Variants in PCDHA11 observed in about 807,000 individuals in gnomAD.
PCDHA11 encodes the protein protocadherin alpha 11.
Under a neutral mutation model 70.3 loss-of-function variants are expected in PCDHA11, and 61 were observed. The ratio of observed to expected loss-of-function variants is 0.87; its 90% CI spans 0.71 to 1.07. The LOEUF (loss-of-function observed/expected upper bound fraction) is 1.07, where lower values mean the gene tolerates loss of function less well. PCDHA11 is among the 50% of genes least tolerant of loss of function. The probability of loss-of-function intolerance (pLI) is 0.00; values close to 1 mark genes in which losing one functional copy is unlikely to be tolerated. For synonymous variants in PCDHA11, 633 were observed against 555.1 expected (o/e 1.14, Z -1.97); for missense variants, 1,324 against 1,237.5 (o/e 1.07, Z -1.05).
intron 1 of PCDHA11, among the ~76,000 whole-genome samples, chr5:140,918,373 C>A (rs1459758959): frequency 6.6e-6 from 1 of 152,056 alleles, no homozygotes; most frequent in Non-Finnish European, 1.5e-5. Context: ...TATTTGGATG[C>A]CTTTTATTTC....
At chr5:140,992,208 A>G (rs2097499240) in intron 3 of PCDHA11, among the ~76,000 whole-genome samples, 1 of 152,150 alleles carries the variant, frequency 6.6e-6, no homozygotes, top group African/African-American at 2.4e-5. Context: ...AATCAGATAA[A>G]CTACTCTCCC....
chr5:140,987,811 CTT>C (rs1444999429), intron 3 of PCDHA11, among the ~76,000 whole-genome samples: 7 of 152,218 alleles, frequency 4.6e-5, no homozygotes, highest in African/African-American at 1.7e-4. Flanking sequence ...GTGCCTGTCT[CTT>C]TGTTTCCTTA....
intron 2 of PCDHA11, 80 bp downstream of exon 2, chr5:140,979,087 A>C (rs1284249394): frequency 6.4e-7 from 1 of 1,561,170 alleles, no homozygotes; most frequent in Non-Finnish European, 8.7e-7. Flanking sequence ...CATAGGCCAG[A>C]AGCAGCTGTC....
chr5:140,971,332 A>G (rs1229650076), intron 1 of PCDHA11, among the ~76,000 whole-genome samples: 3 of 152,242 alleles, frequency 2.0e-5, no homozygotes, highest in Non-Finnish European at 4.4e-5. Context: ...AAATTATTTC[A>G]GAAAGTGCTT....
Position 140,971,209 on chromosome 5 carries a change from C to A in PCDHA11, c.2392-7740C>A, listed in dbSNP as rs147218200. 2.2e-3 allele frequency among the ~76,000 whole-genome samples: 328 copies of A among 152,236 alleles called. 3 individuals are homozygous for A. Among genetic ancestry groups the A allele is most frequent in the African/African-American group, 7.7e-3 (319 of 41,534 alleles). Reference sequence around the variant, plus strand: ...AAGCTCAGAGGAAAGACACTGTTACCCTCCCTCTCCTGACTCAAAGCTTGG... The same window carrying A: ...AAGCTCAGAGGAAAGACACTGTTACACTCCCTCTCCTGACTCAAAGCTTGG... On this transcript the variant is annotated intron_variant, in intron 1 of 3. Coordinates refer to ENST00000398640, the MANE Select transcript of PCDHA11 (RefSeq NM_018902.5).
intron 1 of PCDHA11, among the ~76,000 whole-genome samples, chr5:140,936,092 C>T (rs941947685): frequency 1.3e-5 from 2 of 152,034 alleles, no homozygotes; most frequent in Admixed American, 6.6e-5. Context: ...AGGGTTTCAC[C>T]ATGTTGGCCA....
At chr5:140,893,634 T>C (rs2064095604) in intron 1 of PCDHA11, among the ~76,000 whole-genome samples, 1 of 152,236 alleles carries the variant, frequency 6.6e-6, no homozygotes, top group Admixed American at 6.5e-5. Flanking sequence ...CTGCTTGGTA[T>C]AGTATTTTTG....
At chr5:140,927,893 A>G (rs1554205201) in intron 1 of PCDHA11, 1 of 1,614,050 alleles carries the variant, frequency 6.2e-7, no homozygotes, top group Non-Finnish European at 8.5e-7. Flanking sequence ...ACTGACGTGA[A>G]CGATCATGCC....
rs144770143 is a variant in PCDHA11 at position 140,947,157 on chromosome 5, G to A, written c.2392-31792G>A. Among the ~76,000 whole-genome samples the A allele has an allele frequency of 6.6e-3, 992 of 151,208 alleles. 6 individuals are homozygous for A. The highest frequency in any genetic ancestry group is 0.022 in the African/African-American group (913 of 41,346). ...TAAAATGTATAGTTACTTCCACGGG[G>A]TAGAAAATGTGGTATATATTCATGG... On this transcript the variant is annotated intron_variant, in intron 1 of 3. Transcript: ENST00000398640.
chr5:140,877,888 C>T (rs1554170207), intron 1 of PCDHA11: 3 of 1,458,570 alleles, frequency 2.1e-6, no homozygotes, highest in South Asian at 1.5e-5. Flanking sequence ...GAAGAACTTC[C>T]GTTTAGGTTA....
At chr5:140,920,859 C>T in intron 1 of PCDHA11, among the ~76,000 whole-genome samples, 1 of 142,452 alleles carries the variant, frequency 7.0e-6, no homozygotes, top group African/African-American at 2.6e-5. Flanking sequence ...AAAAAAAAAA[C>T]AAACAAACTG....
At position 141,009,867 on chromosome 5, in the gene PCDHA11, A is replaced by C. The variant is rs374660085; in HGVS notation, c.2780A>C (p.Lys927Thr). 4.3e-6 allele frequency: 7 copies of C among 1,613,976 alleles called. No individual in the cohort carries two copies. The African/African-American group carries it at 9.3e-5, about 22-fold the overall frequency. ...GAGGAGACCAAGAAAAAGAAGAAAA[A>C]GAAGAAGGGTAACAAGACCCAGGAG... Reference protein sequence around the residue: ...KKEETKKKKKKKKGNKTQEKK... With the variant: ...KKEETKKKKKTKKGNKTQEKK... Residue 927 changes from lysine (K) to threonine (T), a missense_variant, in exon 4 of 4, where the codon AAG becomes ACG. Coordinates refer to ENST00000398640, the MANE Select transcript of PCDHA11 (RefSeq NM_018902.5).
At position 141,011,314 on chromosome 5, in the gene PCDHA11, T is replaced by G. The variant is rs1269900647; in HGVS notation, c.*1377T>G. 2.0e-5 allele frequency: 3 copies of G among 153,782 alleles called. No homozygotes were observed. Among genetic ancestry groups the G allele is most frequent in the Non-Finnish European group, 4.4e-5 (3 of 68,040 alleles). 9.5% of individuals were successfully genotyped at this position (153,782 alleles called of 1,614,324 possible). On this transcript the variant is annotated 3_prime_UTR_variant, in exon 4 of 4. Coordinates refer to ENST00000398640, the MANE Select transcript of PCDHA11 (RefSeq NM_018902.5). ...CTATAACACTCTGAATTGCTAATCT[T>G]ACTAACACCTATGATGTTACCTGAA...
chr5:140,935,996 G>A (rs145363850), intron 1 of PCDHA11, among the ~76,000 whole-genome samples: 2 of 150,844 alleles, frequency 1.3e-5, no homozygotes, highest in African/African-American at 4.9e-5. Context: ...GGGTTCAAGC[G>A]ATTCTCCCAC....
intron 1 of PCDHA11, chr5:140,875,764 C>A (rs782377276): frequency 6.2e-7 from 1 of 1,614,196 alleles, no homozygotes; most frequent in Non-Finnish European, 8.5e-7. Flanking sequence ...GCTGTGCGGG[C>A]GGAGCGCGGA....
intron 1 of PCDHA11, among the ~76,000 whole-genome samples, chr5:140,925,279 C>T (rs1477579286): frequency 6.6e-6 from 1 of 152,058 alleles, no homozygotes; most frequent in African/African-American, 2.4e-5. Context: ...TCAGATTTTG[C>T]CTTTCAAATG....
intron 1 of PCDHA11, among the ~76,000 whole-genome samples, chr5:140,960,353 A>T (rs1197291282): frequency 6.6e-6 from 1 of 152,214 alleles, no homozygotes; most frequent in African/African-American, 2.4e-5. Context: ...ATATGTACTG[A>T]AATAATATGC....
chr5:140,910,608 C>A (rs1161072744), intron 1 of PCDHA11, among the ~76,000 whole-genome samples: 3 of 152,208 alleles, frequency 2.0e-5, no homozygotes, highest in Non-Finnish European at 2.9e-5. Context: ...TCTAAACTGA[C>A]TAATCCACTC....
chr5:140,871,121 A>G lies in PCDHA11; in HGVS notation c.2018A>G (p.Gln673Arg), dbSNP rs1554165161. Residue 673 changes from glutamine (Q) to arginine (R), a missense_variant, in exon 1 of 4, where the codon CAG (glutamine) becomes CGG (arginine). Transcript: ENST00000398640. ...CTGGTGTCGTTGGTGGAGAGCGGAC[A>G]GGCGCCAAAGGCCTCTTCCCGGACT... ...TVLVSLVESG[Q>R]APKASSRTLA... 4 of 1,613,320 alleles carry G rather than the reference A, an allele frequency of 2.5e-6. No homozygotes were observed. Among genetic ancestry groups the G allele is most frequent in the Non-Finnish European group, 3.4e-6 (4 of 1,179,894 alleles).
Sources: gnomAD v4.1 joint callset for allele counts (sites outside exome capture counted in the v4.1 genomes callset) on GRCh38, gnomAD v4.1.1 for gene constraint, MANE v1.5 for transcripts, NCBI Gene and HGNC (gene_info 2026-07-23, HGNC 2026-07-21) for gene names.